Variants in SPTBN4 observed in about 807,000 individuals in gnomAD.
SPTBN4 encodes spectrin beta chain, non-erythrocytic 4.
In SPTBN4, 96 loss-of-function variants were observed where a neutral mutation model predicts 277.8. That is an observed-to-expected ratio of 0.35 (90% CI 0.29 to 0.41). The LOEUF (loss-of-function observed/expected upper bound fraction) is 0.41, where lower values mean the gene tolerates loss of function less well. Ranked by LOEUF, SPTBN4 falls within the 10% of genes least tolerant of loss-of-function variation. The pLI is 1.00. For missense variants in SPTBN4, 3,006 were observed against 3,595.7 expected, an observed-to-expected ratio of 0.84 and a Z score of 4.19; for synonymous variants, 1,481 against 1,580.3, an observed-to-expected ratio of 0.94 and a Z score of 1.49.
intron 25 of SPTBN4, 25 bp from the exon 26 acceptor site, chr19:40,556,998 C>CCT (rs1555718437): frequency 9.3e-7 from 1 of 1,070,932 alleles, no homozygotes; most frequent in Non-Finnish European, 1.3e-6. Context: ...TTTGCTGTAC[C>CCT]CCCCCCCCCA....
Position 40,513,322 on chromosome 19 carries a change from G to A in SPTBN4, c.2533G>A (p.Ala845Thr). ...GGCGACACTCGGGGGTGCCAGTGGC[G>A]CAGGGCCACTGGTGGTGGCGCTGCA... ...QLATLGGASG[A>T]GPLVVALQVR... Residue 845 changes from alanine to threonine, a missense_variant, in exon 14 of 36, where the codon GCA becomes ACA. By Grantham distance (58) the Ala-to-Thr change is moderately conservative. Transcript: ENST00000598249. The A allele has an allele frequency of 6.4e-7, 1 of 1,574,438 alleles. No individual in the cohort carries two copies. The highest frequency in any genetic ancestry group is 1.9e-5 in the Admixed American group (1 of 53,164).
At chr19:40,474,047 G>A (rs2079918368) in intron 2 of SPTBN4, among the ~76,000 whole-genome samples, 1 of 151,026 alleles carries the variant, frequency 6.6e-6, no homozygotes, top group South Asian at 2.1e-4. Context: ...AGCTATTTGG[G>A]AGGCTGAGGT....
intron 13 of SPTBN4, among the ~76,000 whole-genome samples, chr19:40,510,204 T>G (rs2080375554): frequency 1.3e-5 from 2 of 151,914 alleles, no homozygotes; most frequent in Non-Finnish European, 2.9e-5. Context: ...ATCTGGAAAA[T>G]GGGGCTGATA....
chr19:40,563,897 A>G (rs1037394995), intron 27 of SPTBN4, among the ~76,000 whole-genome samples: 1 of 151,652 alleles, frequency 6.6e-6, no homozygotes, highest in African/African-American at 2.4e-5. Context: ...AGAACAAAAA[A>G]TTAGCCAGGC....
Position 40,515,105 on chromosome 19 carries a change from AATAC to A in SPTBN4, c.2766-194_2766-191del, listed in dbSNP as rs1422469841. On this transcript the variant is annotated intron_variant, in intron 14 of 35. Coordinates refer to ENST00000598249, the MANE Select transcript of SPTBN4 (RefSeq NM_020971.3). This position sits in a 1 kb window ranked among gnomAD's most constrained non-coding sequence, Gnocchi z 4.1. ...GGGTGACAGAGCGAGACTCTGTCTC[AATAC>A]ATACATACATAAATTAATTAAATTA... Among the ~76,000 whole-genome samples, 1 of 152,156 alleles carries A rather than the reference AATAC, an allele frequency of 6.6e-6. No individual in the cohort carries two copies. The highest frequency in any genetic ancestry group is 2.4e-5 in the African/African-American group (1 of 41,432).
intron 5 of SPTBN4, 79 bp downstream of exon 5, chr19:40,493,133 T>C (rs1477989881): frequency 2.9e-6 from 4 of 1,379,506 alleles, no homozygotes; most frequent in Non-Finnish European, 4.1e-6. Context: ...AGACAAGAGC[T>C]CAAGGGGCAG....
At chr19:40,573,579 C>T (rs1488469634) in intron 35 of SPTBN4, among the ~76,000 whole-genome samples, 1 of 152,238 alleles carries the variant, frequency 6.6e-6, no homozygotes, top group Non-Finnish European at 1.5e-5. Context: ...GCCTGTAATC[C>T]CAGCACTTCG....
In SPTBN4 at chr19:40,556,256, C is replaced by G; in HGVS notation, c.5257C>G (p.Pro1753Ala). Residue 1753 changes from proline (P) to alanine (A), a missense_variant, in exon 25 of 36, where the codon CCC becomes GCC. Pro to Ala is a conservative substitution (Grantham distance 27, BLOSUM62 -1). This residue lies in a region of SPTBN4 where 425 missense variants were observed against 594.7 expected (regional missense o/e 0.71). Transcript: ENST00000598249. Reference protein sequence around the residue: ...IAEKEVVAGSPELGQDFEHVS... With the variant: ...IAEKEVVAGSAELGQDFEHVS... The stretch of plus-strand genomic sequence containing the variant: ...CGAGAAGGAGGTGGTGGCTGGCTCA[C>G]CCGAGCTCGGCCAGGACTTTGAGCA... 1 of 1,613,236 alleles carries G rather than the reference C, an allele frequency of 6.2e-7. No homozygotes were observed. Among genetic ancestry groups the G allele is most frequent in the Non-Finnish European group, 8.5e-7 (1 of 1,179,728 alleles).
intron 35 of SPTBN4, 133 bp from the exon 36 acceptor site, chr19:40,575,278 G>GCAT (rs1240605929): frequency 1.3e-5 from 14 of 1,078,992 alleles, no homozygotes; most frequent in Non-Finnish European, 1.7e-5. Context: ...CTATGTAACT[G>GCAT]CATCATCATC....
Position 40,567,722 on chromosome 19 carries a change from G to A in SPTBN4, c.6396G>A (p.Lys2132=). Residue 2132 remains lysine, a synonymous_variant, in exon 31 of 36, where the codon AAG becomes AAA. Transcript: ENST00000598249. ...CGCCTACCCCACTGCTGGGGCGCAAGTTCTTTGGGGACCCCACGGAACTGG... is the reference window on the plus strand; with the variant it reads ...CGCCTACCCCACTGCTGGGGCGCAAATTCTTTGGGGACCCCACGGAACTGG... ...KQPPTPLLGR[K]FFGDPTELAA... 6.4e-7 allele frequency: 1 copy of A among 1,558,530 alleles called. No individual in the cohort carries two copies. Among genetic ancestry groups the A allele is most frequent in the Non-Finnish European group, 8.7e-7 (1 of 1,154,012 alleles).
intron 15 of SPTBN4, among the ~76,000 whole-genome samples, chr19:40,517,838 A>G (rs1175608260): frequency 6.6e-6 from 1 of 152,202 alleles, no homozygotes; most frequent in Non-Finnish European, 1.5e-5. Flanking sequence ...AGAGAAGGAA[A>G]TGATTTGCCC....
At chr19:40,553,586 G>T (rs1304148426) in intron 22 of SPTBN4, among the ~76,000 whole-genome samples, 1 of 152,140 alleles carries the variant, frequency 6.6e-6, no homozygotes, top group Non-Finnish European at 1.5e-5. Context: ...GTTAAATAAG[G>T]TACTCTGTAA....
intron 2 of SPTBN4, among the ~76,000 whole-genome samples, chr19:40,479,298 T>C (rs2079982641): frequency 6.6e-6 from 1 of 152,052 alleles, no homozygotes; most frequent in Admixed American, 6.6e-5. Context: ...TATCAATGTT[T>C]TCAACATTAA....
At chr19:40,513,613 C>A in intron 14 of SPTBN4, 59 bp downstream of exon 14, 1 of 1,434,000 alleles carries the variant, frequency 7.0e-7, no homozygotes, top group Non-Finnish European at 9.2e-7. Context: ...GTCTCACCTT[C>A]ATTGGCTCAA....
intron 20 of SPTBN4, 79 bp from the exon 21 acceptor site, chr19:40,549,110 T>C (rs1361184505): frequency 1.6e-6 from 2 of 1,242,784 alleles, no homozygotes; most frequent in Non-Finnish European, 2.2e-6. Context: ...GGTCTGGCTG[T>C]CACCATAAGG....
intron 2 of SPTBN4, among the ~76,000 whole-genome samples, chr19:40,485,539 C>T (rs1599718672): frequency 6.6e-6 from 1 of 152,138 alleles, no homozygotes; most frequent in South Asian, 2.1e-4. Context: ...GTTGTGGTAG[C>T]TCGAGCCTGT....
intron 19 of SPTBN4, 64 bp downstream of exon 19, chr19:40,532,835 T>C: frequency 6.6e-7 from 1 of 1,521,420 alleles, no homozygotes; most frequent in Non-Finnish European, 8.8e-7. Flanking sequence ...AGCCCACGTC[T>C]CACCTGCTGC....
At chr19:40,514,484 G>A (rs1235410112) in intron 14 of SPTBN4, among the ~76,000 whole-genome samples, 3 of 152,190 alleles carry the variant, frequency 2.0e-5, no homozygotes, top group African/African-American at 7.2e-5. Context: ...ACAGGCCATG[G>A]AGACTGATGG....
At chr19:40,495,174 C>G (rs139987706) in intron 6 of SPTBN4, among the ~76,000 whole-genome samples, 197 bp downstream of exon 6, 1 of 152,202 alleles carries the variant, frequency 6.6e-6, no homozygotes. Flanking sequence ...CACACCCACA[C>G]AGGCTCCTGT....
Sources: allele counts gnomAD v4.1 joint callset (sites outside exome capture counted in the v4.1 genomes callset), GRCh38; gene constraint gnomAD v4.1.1; regional missense constraint gnomAD v4.1.1; non-coding constraint Gnocchi (gnomAD v3.1); transcripts MANE v1.5; gene names NCBI Gene and HGNC (gene_info 2026-07-23, HGNC 2026-07-21).